MAP3K14: variants seen among roughly 807,000 people sequenced by gnomAD.
The protein encoded by MAP3K14 is mitogen-activated protein kinase kinase kinase 14.
Under a neutral mutation model 99.2 loss-of-function variants are expected in MAP3K14, and 16 were observed. The ratio of observed to expected loss-of-function variants is 0.16; its 90% confidence interval spans 0.11 to 0.24. The LOEUF (loss-of-function observed/expected upper bound fraction) is 0.24, where lower values mean the gene tolerates loss of function less well. Ranked by LOEUF, MAP3K14 falls within the 10% of genes least tolerant of loss-of-function variation. The pLI, the probability that MAP3K14 is intolerant of heterozygous loss-of-function variation, is 1.00. For synonymous variants in MAP3K14, 462 were observed against 492.4 expected (o/e 0.94, Z 0.82); for missense variants, 784 against 1,208.7 (o/e 0.65, Z 5.21).
chr17:45,289,725 C>T (rs2044295935), intron 2 of MAP3K14, among the ~76,000 whole-genome samples: 1 of 152,284 alleles, frequency 6.6e-6, no homozygotes, highest in South Asian at 2.1e-4. Flanking sequence ...TATTATGTCA[C>T]TCTCTGTATT....
chr17:45,297,929 G>A (rs932125108), intron 1 of MAP3K14, among the ~76,000 whole-genome samples: 3 of 152,016 alleles, frequency 2.0e-5, no homozygotes, highest in African/African-American at 4.8e-5. Context: ...ATGTTGGCCA[G>A]GCTGGTCTCG....
intron 1 of MAP3K14, among the ~76,000 whole-genome samples, chr17:45,316,559 C>T (rs1392734991): frequency 6.6e-6 from 1 of 152,214 alleles, no homozygotes; most frequent in Admixed American, 6.5e-5. Context: ...GATGCCAGGG[C>T]GCACTCCTGC....
chr17:45,294,053 G>A (rs2044331018), intron 1 of MAP3K14, among the ~76,000 whole-genome samples: 2 of 152,208 alleles, frequency 1.3e-5, no homozygotes, highest in African/African-American at 2.4e-5. Context: ...TGGGGAGGAC[G>A]AAGTGGGAGC....
rs755271224 is a variant in MAP3K14 at position 45,266,562 on chromosome 17, G to A, written c.2553C>T (p.Pro851=). ...SWNMVLARGR[P]TDTPSYFNGV... is the part of the protein sequence containing the mutation. ...CATTGAAATAGCTTGGGGTGTCGGT[G>A]GGCCGCCCCCGGGCCAGCACCATGT... The change falls in exon 14 of 16, where the codon CCC becomes CCT. Residue 851 remains proline (P), a synonymous_variant. Coordinates refer to ENST00000344686, the MANE Select transcript of MAP3K14 (RefSeq NM_003954.5). 4.3e-6 allele frequency: 7 copies of A among 1,613,230 alleles called. No individual in the cohort carries two copies. The East Asian group carries it at 1.6e-4, about 36-fold the overall frequency.
chr17:45,270,058 G>C (rs1298535403), intron 11 of MAP3K14, among the ~76,000 whole-genome samples: 2 of 152,180 alleles, frequency 1.3e-5, no homozygotes, highest in Non-Finnish European at 2.9e-5. Flanking sequence ...AACTGAATTA[G>C]AGGACACCAA....
intron 1 of MAP3K14, among the ~76,000 whole-genome samples, chr17:45,299,756 G>C (rs1476274406): frequency 6.6e-6 from 1 of 152,156 alleles, no homozygotes; most frequent in Non-Finnish European, 1.5e-5. Context: ...AAATCTTACA[G>C]ATCAATTATT....
chr17:45,284,473 C>T (rs1336449545), intron 6 of MAP3K14, among the ~76,000 whole-genome samples: 2 of 152,224 alleles, frequency 1.3e-5, no homozygotes, highest in African/African-American at 4.8e-5. Flanking sequence ...CTATGTGGTT[C>T]AGGGGTTTTA....
rs868160002 is a variant in MAP3K14 at position 45,266,817 on chromosome 17, C to T, written c.2434-136G>A. ...GGGTAAGGGTTGCCTCCATGGGGGACGAAGGCCTGCCTCCCCATTATCTCT... is the reference window on the plus strand; with the variant it reads ...GGGTAAGGGTTGCCTCCATGGGGGATGAAGGCCTGCCTCCCCATTATCTCT... On this transcript the variant is annotated intron_variant, in intron 13 of 15. Transcript: ENST00000344686. The T allele has an allele frequency of 1.7e-5, 16 of 925,552 alleles. 1 individual carries two copies. In the Middle Eastern group the frequency reaches 2.0e-3, roughly 115 times the overall value. The allele number at this position is 925,552 out of a possible 1,614,324, so 57.3% of individuals were successfully genotyped here. A position where few individuals can be genotyped will look rare whatever the true frequency, so the allele number is the denominator to read the frequency against.
chr17:45,297,029 C>T (rs1263475577), intron 1 of MAP3K14, among the ~76,000 whole-genome samples: 3 of 152,300 alleles, frequency 2.0e-5, no homozygotes, highest in East Asian at 3.9e-4. Context: ...CCACACCAAC[C>T]CTGCAAGGTT....
intron 1 of MAP3K14, among the ~76,000 whole-genome samples, chr17:45,310,319 C>T (rs1376464936): frequency 6.6e-6 from 1 of 152,166 alleles, no homozygotes; most frequent in East Asian, 1.9e-4. Flanking sequence ...CAGGCACGAG[C>T]CACCGTGCCC....
At position 45,301,230 on chromosome 17, in the gene MAP3K14, G is replaced by A. The variant is rs539125911; in HGVS notation, c.-20-10465C>T. 1.1e-4 allele frequency among the ~76,000 whole-genome samples: 17 copies of A among 151,176 alleles called. No individual in the cohort carries two copies. In the South Asian group the frequency reaches 2.3e-3, roughly 21 times the overall value. On this transcript the variant is annotated intron_variant, in intron 1 of 15. Coordinates refer to ENST00000344686, the MANE Select transcript of MAP3K14 (RefSeq NM_003954.5). Reference sequence around the variant, plus strand: ...TGTAATCCCAACACTTTGGGAGGCCGAGGCAGGCAGATCACCTGAGGTCAG... The same window carrying A: ...TGTAATCCCAACACTTTGGGAGGCCAAGGCAGGCAGATCACCTGAGGTCAG...
chr17:45,271,337 T>C lies in MAP3K14; in HGVS notation c.1658-116A>G, dbSNP rs2044141311. 2.9e-5 allele frequency: 25 copies of C among 861,414 alleles called. No homozygotes were observed. In the South Asian group the frequency reaches 4.4e-4, roughly 15 times the overall value. The allele number at this position is 861,414 out of a possible 1,614,324, so 53.4% of individuals were successfully genotyped here. A position where few individuals can be genotyped will look rare whatever the true frequency, so the allele number is the denominator to read the frequency against. ...TACATTTGTCACTGTTAAAGTACTT[T>C]TTATTTTATTATCTTTTTAGTTCTT... On this transcript the variant is annotated intron_variant, in intron 9 of 15. Coordinates refer to ENST00000344686, the MANE Select transcript of MAP3K14 (RefSeq NM_003954.5).
At chr17:45,302,101 C>T (rs2867317) in intron 1 of MAP3K14, among the ~76,000 whole-genome samples, 1 of 151,730 alleles carries the variant, frequency 6.6e-6, no homozygotes, top group East Asian at 1.9e-4. Flanking sequence ...AGAGTGCTGG[C>T]ATTACAGGCA....
chr17:45,312,313 C>T (rs542835158), intron 1 of MAP3K14, among the ~76,000 whole-genome samples: 1 of 152,312 alleles, frequency 6.6e-6, no homozygotes, highest in East Asian at 1.9e-4. Context: ...TGCAGAGCTG[C>T]CACGCCAGGC....
intron 1 of MAP3K14, among the ~76,000 whole-genome samples, chr17:45,296,647 T>A (rs2044348529): frequency 6.6e-6 from 1 of 152,198 alleles, no homozygotes; most frequent in Admixed American, 6.5e-5. Flanking sequence ...TACATGCTCA[T>A]CCTGACTCCC....
rs1036141718 is a variant in MAP3K14 at position 45,272,311 on chromosome 17, G to A, written c.1658-1090C>T. 2.0e-5 allele frequency among the ~76,000 whole-genome samples: 3 copies of A among 152,096 alleles called. No individual in the cohort carries two copies. Among genetic ancestry groups the A allele is most frequent in the Non-Finnish European group, 4.4e-5 (3 of 68,024 alleles). ...ACTGCACTCCAGCCTGGGTGACAGA[G>A]CAAGACTCTGTCTCTAAAAAATAAA... is the stretch of plus-strand genomic sequence containing the variant. On this transcript the variant is annotated intron_variant, in intron 9 of 15. Transcript: ENST00000344686. The surrounding 1 kb of genome is among the most constrained non-coding windows in gnomAD (Gnocchi z 4.1).
intron 5 of MAP3K14, among the ~76,000 whole-genome samples, chr17:45,285,554 A>G (rs35928308): frequency 0.018 from 2,732 of 152,212 alleles, 95 homozygotes; most frequent in African/African-American, 0.064. Flanking sequence ...TGAACTTGGA[A>G]GGGGGAGGTT....
intron 1 of MAP3K14, among the ~76,000 whole-genome samples, chr17:45,307,263 A>C (rs2044437353): frequency 6.6e-6 from 1 of 151,876 alleles, no homozygotes; most frequent in Non-Finnish European, 1.5e-5. Context: ...GTCTCAAAAA[A>C]TTAAAAAAAA....
intron 6 of MAP3K14, among the ~76,000 whole-genome samples, chr17:45,276,638 A>G (rs1156927568): frequency 6.6e-6 from 1 of 151,194 alleles, no homozygotes; most frequent in Non-Finnish European, 1.5e-5. Context: ...CAGCCTCCCC[A>G]GTAGCTGGGA....
Sources: allele counts gnomAD v4.1 joint callset (sites outside exome capture counted in the v4.1 genomes callset), GRCh38; gene constraint gnomAD v4.1.1; non-coding constraint Gnocchi (gnomAD v3.1); transcripts MANE v1.5; gene names NCBI Gene and HGNC (gene_info 2026-07-23, HGNC 2026-07-21).